The following LMTK3 variants were observed in gnomAD, a reference collection of about 807,000 sequenced individuals.
LMTK3 encodes serine/threonine-protein kinase LMTK3.
In LMTK3, 27 loss-of-function variants were observed where a neutral mutation model predicts 116.7. The observed-to-expected ratio is 0.23, with a 90% CI of 0.17 to 0.32. The LOEUF (loss-of-function observed/expected upper bound fraction) is 0.32. Among genes scored for constraint, LMTK3 ranks in the 10% least tolerant of loss-of-function variants. The pLI, the probability that LMTK3 is intolerant of heterozygous loss-of-function variation, is 1.00. For synonymous variants in LMTK3, 965 were observed against 971.0 expected (o/e 0.99, Z 0.11); for missense variants, 1,764 against 2,068.5 (o/e 0.85, Z 2.86).
intron 6 of LMTK3, 108 bp downstream of exon 6, chr19:48,502,801 C>T: frequency 1.1e-6 from 1 of 926,932 alleles, no homozygotes. Flanking sequence ...TGCCACACAT[C>T]ATCTACGATG....
At chr19:48,493,643 C>T in intron 12 of LMTK3, 51 bp downstream of exon 12, 1 of 1,520,216 alleles carries the variant, frequency 6.6e-7, no homozygotes. Flanking sequence ...CTCTAGGCTC[C>T]TGCTCCCTCC....
In LMTK3 at chr19:48,498,247, T is replaced by C. The variant is rs1224297366; in HGVS notation, c.2822A>G (p.Glu941Gly). The C allele has an allele frequency of 1.2e-6, 2 of 1,613,066 alleles. No individual in the cohort carries two copies. Among genetic ancestry groups the C allele is most frequent in the Non-Finnish European group, 1.7e-6 (2 of 1,179,618 alleles). ...NGDQRAPGIE[E>G]KAAENGALGS... ...CAGGGCCCCATTCTCCGCCGCCTTC[T>C]CCTCGATGCCTGGGGCTCTCTGGTC... Residue 941 changes from glutamate (E) to glycine (G), a missense_variant, in exon 11 of 15, where the codon GAG (glutamate) becomes GGG (glycine). Glu to Gly is a moderately conservative substitution (Grantham distance 98, BLOSUM62 -2). This residue lies in a region of LMTK3 where 1,028 missense variants were observed against 1,050.6 expected (regional missense o/e 0.98). Coordinates refer to ENST00000600059, the MANE Select transcript of LMTK3 (RefSeq NM_001388485.1).
At chr19:48,502,062 CCCTGGCTCCTCCTCCCCCTCT>C (rs1443147965) in intron 7 of LMTK3, among the ~76,000 whole-genome samples, 8 of 113,946 alleles carry the variant, frequency 7.0e-5, no homozygotes, top group African/African-American at 1.4e-4. Flanking sequence ...CCCTCCCCTC[CCCTGGCTCCTCCTCCCCCTCT>C]CCTGGCTCCT....
chr19:48,498,620 C>G lies in LMTK3; in HGVS notation c.2449G>C (p.Gly817Arg), dbSNP rs1317033363. 1 of 1,543,912 alleles carries G rather than the reference C, an allele frequency of 6.5e-7. No individual in the cohort carries two copies. Among genetic ancestry groups the G allele is most frequent in the Non-Finnish European group, 8.7e-7 (1 of 1,144,364 alleles). ...GGGGGAGCCCGCGGCCGAGGGACCC[C>G]TTCCTCCTCGGCCGCCCCCCCACCT... ...FPGGGAAEEE[G>R]VPRPRAPPEP... Residue 817 changes from glycine (G) to arginine (R), a missense_variant, in exon 11 of 15, where the codon GGG becomes CGG. Gly to Arg is a moderately radical substitution (Grantham distance 125). Around this residue, in one of 7 missense-constraint regions of LMTK3, gnomAD observed 1,028 missense variants for 1,050.6 expected, o/e 0.98. Transcript: ENST00000600059.
intron 5 of LMTK3, among the ~76,000 whole-genome samples, chr19:48,503,472 C>G (rs1197474500): frequency 1.3e-5 from 2 of 152,154 alleles, no homozygotes; most frequent in East Asian, 1.9e-4. Flanking sequence ...GAGCAGGTCC[C>G]CAGGGACCCC....
chr19:48,495,344 A>G (rs1054745103), intron 11 of LMTK3, among the ~76,000 whole-genome samples: 1 of 152,148 alleles, frequency 6.6e-6, no homozygotes, highest in Admixed American at 6.6e-5. Flanking sequence ...GAGTACCCAG[A>G]TGAAGGTCAG....
rs1972396417 is a variant in LMTK3, at chr19:48,498,847, G to A, written c.2222C>T (p.Ala741Val). 1.7e-6 allele frequency: 2 copies of A among 1,196,470 alleles called. No homozygotes were observed. The highest frequency in any genetic ancestry group is 2.1e-6 in the Non-Finnish European group (2 of 943,362). 74.1% of individuals were successfully genotyped at this position (1,196,470 alleles called of 1,614,324 possible). A position where few individuals can be genotyped will look rare whatever the true frequency, so the allele number is the denominator to read the frequency against. ...TGGCCCCCGCCCGGGGTACTGGGGCGCCGCCGCCCCCATGAGGGGGTCCAG... is the reference window on the plus strand; with the variant it reads ...TGGCCCCCGCCCGGGGTACTGGGGCACCGCCGCCCCCATGAGGGGGTCCAG... Reference protein sequence around the residue: ...EFLDPLMGAAAPQYPGRGPPP... With the variant: ...EFLDPLMGAAVPQYPGRGPPP... The change falls in exon 11 of 15, where the codon GCG (alanine) becomes GTG (valine). Residue 741 changes from alanine (A) to valine (V), a missense_variant. Ala to Val is a moderately conservative substitution (Grantham distance 64). Transcript: ENST00000600059.
intron 12 of LMTK3, among the ~76,000 whole-genome samples, chr19:48,493,347 T>C (rs922592965): frequency 1.4e-4 from 1 of 7,084 alleles, no homozygotes; most frequent in Non-Finnish European, 2.7e-4. Flanking sequence ...CAGCCCGCCC[T>C]CTCCCTGGGC....
Position 48,507,224 on chromosome 19 carries a change from C to T in LMTK3, c.557+1627G>A, listed in dbSNP as rs140024742. Among the ~76,000 whole-genome samples, 5 of 152,346 alleles carry T rather than the reference C, an allele frequency of 3.3e-5. No homozygotes were observed. In the East Asian group the frequency reaches 9.6e-4, roughly 29 times the overall value. On this transcript the variant is annotated intron_variant, in intron 5 of 14. Transcript: ENST00000600059. ...AATCTGGCCAAGGCCGGCCGCTCTG[C>T]TCTCAAATCCTCCCAGCAACGTGCT...
Position 48,503,005 on chromosome 19 carries a change from T to C in LMTK3, c.558-9A>G. Reference sequence around the variant, plus strand: ...TGGGGTGCTGCAGGCTCCTGTGGAGTGAGGAGGTGGCTGAGTTGGGAAGGC... The same window carrying C: ...TGGGGTGCTGCAGGCTCCTGTGGAGCGAGGAGGTGGCTGAGTTGGGAAGGC... On this transcript the variant is annotated splice_polypyrimidine_tract_variant and intron_variant, in intron 5 of 14. Coordinates refer to ENST00000600059, the MANE Select transcript of LMTK3 (RefSeq NM_001388485.1). 1 of 1,599,484 alleles carries C rather than the reference T, an allele frequency of 6.3e-7. No homozygotes were observed. The highest frequency in any genetic ancestry group is 8.6e-7 in the Non-Finnish European group (1 of 1,168,432).
In LMTK3 at chr19:48,500,500, T is replaced by C. The variant is rs537481034; in HGVS notation, c.1151+496A>G. 2.0e-5 allele frequency among the ~76,000 whole-genome samples: 3 copies of C among 149,742 alleles called. No homozygotes were observed. The East Asian group carries it at 5.9e-4, about 29-fold the overall frequency. ...ACCCAGAGAGAGGGGGACAGAGACC[T>C]AGAGAGAGAGGGAAACATAGACCCA... On this transcript the variant is annotated intron_variant, in intron 10 of 14. Coordinates refer to ENST00000600059, the MANE Select transcript of LMTK3 (RefSeq NM_001388485.1). The surrounding 1 kb of genome is among the most constrained non-coding windows in gnomAD (Gnocchi z 4.0).
chr19:48,497,469 G>C lies in LMTK3; in HGVS notation c.3600C>G (p.Pro1200=). 1 of 1,508,674 alleles carries C rather than the reference G, an allele frequency of 6.6e-7. No homozygotes were observed. Among genetic ancestry groups the C allele is most frequent in the Non-Finnish European group, 8.8e-7 (1 of 1,132,246 alleles). 93.5% of individuals were successfully genotyped at this position (1,508,674 alleles called of 1,614,324 possible). A position where few individuals can be genotyped will look rare whatever the true frequency, so the allele number is the denominator to read the frequency against. Reference sequence around the variant, plus strand: ...GTGGCATCTCGGGGCCCTTCCTCTCGGGCTTGGGGGGGTCCCCGTCTCCGC... The same window carrying C: ...GTGGCATCTCGGGGCCCTTCCTCTCCGGCTTGGGGGGGTCCCCGTCTCCGC... The part of the protein sequence containing the change: ...ALSGDGDPPK[P]ERKGPEMPRL... The change falls in exon 11 of 15, where the codon CCC becomes CCG. Residue 1200 remains proline, a synonymous_variant. Coordinates refer to ENST00000600059, the MANE Select transcript of LMTK3 (RefSeq NM_001388485.1). The surrounding 1 kb of genome is among the most constrained non-coding windows in gnomAD (Gnocchi z 5.7).
At chr19:48,506,907 G>A (rs541809499) in intron 5 of LMTK3, among the ~76,000 whole-genome samples, 9 of 152,128 alleles carry the variant, frequency 5.9e-5, no homozygotes, top group African/African-American at 1.9e-4. Flanking sequence ...CTCATGATCT[G>A]CCCACCTCAG....
At position 48,498,009 on chromosome 19, in the gene LMTK3, C is replaced by G. The variant is rs1432171547; in HGVS notation, c.3060G>C (p.Glu1020Asp). The change falls in exon 11 of 15, where the codon GAG becomes GAC. Residue 1020 changes from glutamate to aspartate, a missense_variant. This residue lies in a region of LMTK3 where 1,028 missense variants were observed against 1,050.6 expected (regional missense o/e 0.98). Coordinates refer to ENST00000600059, the MANE Select transcript of LMTK3 (RefSeq NM_001388485.1). ...GCCCTGGGGCTCTCCAAGGCCCAGT[C>G]TCTGGTGGCCTCTCCGTGTTCCTGG... is the stretch of plus-strand genomic sequence containing the variant. ...RFPRNTERPP[E>D]TGPWRAPGPW... The G allele has an allele frequency of 6.2e-7, 1 of 1,612,444 alleles. No individual in the cohort carries two copies. The highest frequency in any genetic ancestry group is 2.2e-5 in the East Asian group (1 of 44,838).
chr19:48,496,296 C>CTTTTTTTTTTTTTTT (rs1365263028), intron 11 of LMTK3, among the ~76,000 whole-genome samples: 1 of 142,202 alleles, frequency 7.0e-6, no homozygotes, highest in African/African-American at 2.7e-5. Context: ...TTTTCTTTTT[C>CTTTTTTTTTTTTTTT]TTTTCTTTTT....
intron 11 of LMTK3, among the ~76,000 whole-genome samples, chr19:48,495,485 C>G (rs974727339): frequency 2.6e-5 from 4 of 152,208 alleles, no homozygotes; most frequent in Non-Finnish European, 4.4e-5. Flanking sequence ...CTAATCCAAC[C>G]CAGATCCTCT....
rs1972409452 is a variant in LMTK3 at position 48,499,159 on chromosome 19, C to A, written c.1910G>T (p.Trp637Leu). Residue 637 changes from tryptophan (W) to leucine (L), a missense_variant, in exon 11 of 15, where the codon TGG becomes TTG. This residue lies in a region of LMTK3 where 1,028 missense variants were observed against 1,050.6 expected (regional missense o/e 0.98). Coordinates refer to ENST00000600059, the MANE Select transcript of LMTK3 (RefSeq NM_001388485.1). ...EVLGERGTAP[W>L]VEEEEEEEEG... ...CTCCTCCTCCTCTTCTTCTTCCACCCACGGGGCGGTCCCCCGCTCCCCCAA... is the reference window on the plus strand; with the variant it reads ...CTCCTCCTCCTCTTCTTCTTCCACCAACGGGGCGGTCCCCCGCTCCCCCAA... The A allele has an allele frequency of 2.0e-6, 3 of 1,518,738 alleles. No individual in the cohort carries two copies. The highest frequency in any genetic ancestry group is 1.2e-5 in the South Asian group (1 of 80,214). The allele number at this position is 1,518,738 out of a possible 1,614,324, so 94.1% of individuals were successfully genotyped here. A position where few individuals can be genotyped will look rare whatever the true frequency, so the allele number is the denominator to read the frequency against.
chr19:48,497,724 G>A lies in LMTK3; in HGVS notation c.3345C>T (p.Ala1115=). ...CGGGGGCCGTCCCCGTGCCCACTGG[G>A]GCTCGGCCCCCACTCCCGAGGTCCA... The part of the protein sequence containing the change: ...GRLDLGSGGR[A]PVGTGTAPGG... Residue 1115 remains alanine, a synonymous_variant, in exon 11 of 15, where the codon GCC becomes GCT. Coordinates refer to ENST00000600059, the MANE Select transcript of LMTK3 (RefSeq NM_001388485.1). The surrounding 1 kb of genome is among the most constrained non-coding windows in gnomAD (Gnocchi z 5.7). 7.5e-7 allele frequency: 1 copy of A among 1,337,500 alleles called. No individual in the cohort carries two copies. The highest frequency in any genetic ancestry group is 2.1e-5 in the South Asian group (1 of 48,234). The allele number at this position is 1,337,500 out of a possible 1,614,324, so 82.9% of individuals were successfully genotyped here. A position where few individuals can be genotyped will look rare whatever the true frequency, so the allele number is the denominator to read the frequency against.
chr19:48,503,976 T>A (rs745957019), intron 5 of LMTK3, among the ~76,000 whole-genome samples: 6 of 151,774 alleles, frequency 4.0e-5, no homozygotes, highest in Non-Finnish European at 8.8e-5. Flanking sequence ...CAAGCGATTC[T>A]CCTGCCTCAG....
Sources: allele counts gnomAD v4.1 joint callset (sites outside exome capture counted in the v4.1 genomes callset), GRCh38; gene constraint gnomAD v4.1.1; regional missense constraint gnomAD v4.1.1; non-coding constraint Gnocchi (gnomAD v3.1); transcripts MANE v1.5; gene names NCBI Gene and HGNC (gene_info 2026-07-23, HGNC 2026-07-21).